The following CACNA2D1 variants were observed in gnomAD, a reference collection of about 807,000 sequenced individuals.
The protein encoded by CACNA2D1 is voltage-dependent calcium channel subunit alpha-2/delta-1.
Under a neutral mutation model 171.5 loss-of-function variants are expected in CACNA2D1, and 53 were observed. The ratio of observed to expected loss-of-function variants is 0.31; its 90% CI spans 0.25 to 0.39. The LOEUF is 0.39. Among genes scored for constraint, CACNA2D1 ranks in the 10% least tolerant of loss-of-function variants. CACNA2D1 has a pLI of 1.00. For missense variants in CACNA2D1, 903 were observed against 1,299.8 expected (o/e 0.69, Z 4.69); for synonymous variants, 442 against 443.1 (o/e 1.00, Z 0.03).
intron 1 of CACNA2D1, among the ~76,000 whole-genome samples, chr7:82,414,953 G>C (rs527837104): frequency 6.6e-6 from 1 of 152,030 alleles, no homozygotes; most frequent in Non-Finnish European, 1.5e-5. Context: ...AAAATAGAAG[G>C]AACTATTCTC....
chr7:82,147,406 G>C (rs144157391), intron 4 of CACNA2D1, among the ~76,000 whole-genome samples: 33 of 152,180 alleles, frequency 2.2e-4, no homozygotes, highest in Admixed American at 2.6e-4. Flanking sequence ...TTTTCCTCAG[G>C]CACCAAATCT....
intron 36 of CACNA2D1, among the ~76,000 whole-genome samples, chr7:81,961,330 A>T (rs1794089509): frequency 6.6e-6 from 1 of 151,968 alleles, no homozygotes; most frequent in South Asian, 2.1e-4. Flanking sequence ...GATACTGACT[A>T]ACATTAACCA....
chr7:82,397,327 A>C lies in CACNA2D1; in HGVS notation c.95+46038T>G, dbSNP rs540240210. 2.6e-5 allele frequency among the ~76,000 whole-genome samples: 4 copies of C among 152,218 alleles called. No homozygotes were observed. In the East Asian group the frequency reaches 7.7e-4, roughly 29 times the overall value. On this transcript the variant is annotated intron_variant, in intron 1 of 38. Coordinates refer to ENST00000356860, the MANE Select transcript of CACNA2D1 (RefSeq NM_000722.4). Reference sequence around the variant, plus strand: ...TTGAATATTCTTATATGAATCTAAAAATATATTTTTATTTTAATATACCTA... The same window carrying C: ...TTGAATATTCTTATATGAATCTAAACATATATTTTTATTTTAATATACCTA...
intron 34 of CACNA2D1, among the ~76,000 whole-genome samples, chr7:81,963,681 C>G (rs1204671831): frequency 6.6e-6 from 1 of 151,854 alleles, no homozygotes; most frequent in Non-Finnish European, 1.5e-5. Context: ...TGTAGACATC[C>G]AACTGGGATA....
chr7:82,053,522 A>T (rs1372832852), intron 10 of CACNA2D1, among the ~76,000 whole-genome samples: 1 of 152,120 alleles, frequency 6.6e-6, no homozygotes, highest in Non-Finnish European at 1.5e-5. Context: ...CAAAAAAATG[A>T]TATTTTTATA....
intron 3 of CACNA2D1, among the ~76,000 whole-genome samples, chr7:82,263,068 T>C (rs1191403954): frequency 6.6e-6 from 1 of 151,592 alleles, no homozygotes; most frequent in Non-Finnish European, 1.5e-5. Flanking sequence ...CTTTGAGGCT[T>C]CATTTATGAA....
At chr7:82,382,619 A>C (rs1020413139) in intron 1 of CACNA2D1, among the ~76,000 whole-genome samples, 1 of 152,098 alleles carries the variant, frequency 6.6e-6, no homozygotes, top group Admixed American at 6.5e-5. Context: ...AAGGAAAGTG[A>C]CCCCTTAAAT....
chr7:82,130,207 T>G (rs1413609614), intron 5 of CACNA2D1, among the ~76,000 whole-genome samples: 1 of 151,662 alleles, frequency 6.6e-6, no homozygotes, highest in Non-Finnish European at 1.5e-5. Context: ...CTGCTATAAG[T>G]GCATAAGAGC....
intron 5 of CACNA2D1, among the ~76,000 whole-genome samples, chr7:82,128,680 C>T (rs117030707): frequency 6.8e-4 from 103 of 152,226 alleles, no homozygotes; most frequent in Admixed American, 2.2e-3. Context: ...CTAATAAACA[C>T]GAAAGAACAG....
At chr7:82,133,146 T>C (rs1366431060) in intron 5 of CACNA2D1, among the ~76,000 whole-genome samples, 2 of 152,200 alleles carry the variant, frequency 1.3e-5, no homozygotes, top group Admixed American at 6.5e-5. Flanking sequence ...ACTTGAGCAA[T>C]GACAGCCTTA....
chr7:82,013,291 T>C (rs1800021612), intron 14 of CACNA2D1, among the ~76,000 whole-genome samples, 170 bp downstream of exon 14: 1 of 151,886 alleles, frequency 6.6e-6, no homozygotes, highest in Admixed American at 6.6e-5. Context: ...ACACTTGCAA[T>C]GTTAATGAAA....
intron 3 of CACNA2D1, among the ~76,000 whole-genome samples, chr7:82,197,130 G>A (rs909790077): frequency 6.6e-6 from 1 of 151,746 alleles, no homozygotes; most frequent in African/African-American, 2.4e-5. Context: ...TGTCTCCAAG[G>A]TTACATCGTT....
intron 3 of CACNA2D1, among the ~76,000 whole-genome samples, chr7:82,267,875 T>C (rs1456004118): frequency 6.6e-6 from 1 of 152,084 alleles, no homozygotes. Context: ...CGGGTGCCTG[T>C]AGTCTCAGCT....
intron 3 of CACNA2D1, among the ~76,000 whole-genome samples, chr7:82,211,238 C>T (rs1364452224): frequency 6.6e-6 from 1 of 151,936 alleles, no homozygotes; most frequent in East Asian, 1.9e-4. Flanking sequence ...TCCAGGGGCA[C>T]ATGTGCAGGT....
At chr7:82,033,694 ATCT>A (rs1802983923) in intron 11 of CACNA2D1, among the ~76,000 whole-genome samples, 1 of 152,202 alleles carries the variant, frequency 6.6e-6, no homozygotes, top group East Asian at 1.9e-4. Context: ...TCCATGGTAA[ATCT>A]TCTTACACTT....
intron 10 of CACNA2D1, among the ~76,000 whole-genome samples, chr7:82,046,802 C>T (rs1287541165): frequency 6.6e-6 from 1 of 152,094 alleles, no homozygotes; most frequent in Non-Finnish European, 1.5e-5. Context: ...ATTCATCAAA[C>T]ATTTCAATAA....
chr7:82,387,284 T>C (rs796977300), intron 1 of CACNA2D1, among the ~76,000 whole-genome samples: 9 of 152,304 alleles, frequency 5.9e-5, no homozygotes, highest in African/African-American at 2.2e-4. Flanking sequence ...TAAGTAAGTG[T>C]GGCTCTCTTA....
At chr7:82,392,744 T>G (rs533719270) in intron 1 of CACNA2D1, among the ~76,000 whole-genome samples, 1 of 152,282 alleles carries the variant, frequency 6.6e-6, no homozygotes, top group African/African-American at 2.4e-5. Flanking sequence ...AGATAGTATA[T>G]GAACACTAGG....
chr7:82,183,633 T>A (rs977828792), intron 3 of CACNA2D1, among the ~76,000 whole-genome samples: 2 of 152,084 alleles, frequency 1.3e-5, no homozygotes, highest in Non-Finnish European at 2.9e-5. Context: ...TATAAAAAAT[T>A]GAGAAAAACA....
Sources: allele counts gnomAD v4.1 joint callset (sites outside exome capture counted in the v4.1 genomes callset), GRCh38; gene constraint gnomAD v4.1.1; transcripts MANE v1.5; gene names NCBI Gene and HGNC (gene_info 2026-07-23, HGNC 2026-07-21).